The following ZNF800 variants were observed in gnomAD, a reference collection of about 807,000 sequenced individuals.
ZNF800 encodes zinc finger protein 800.
Under a neutral mutation model 59.5 loss-of-function variants are expected in ZNF800, and 13 were observed. That is an observed-to-expected ratio of 0.22 (90% CI 0.14 to 0.35). The LOEUF (loss-of-function observed/expected upper bound fraction) is 0.35. Ranked by LOEUF, ZNF800 falls within the 10% of genes least tolerant of loss-of-function variation. ZNF800 has a pLI of 1.00. For synonymous variants in ZNF800, 266 were observed against 265.7 expected (o/e 1.00, Z -0.01); for missense variants, 621 against 783.7 (o/e 0.79, Z 2.48).
downstream of ZNF800, among the ~76,000 whole-genome samples, chr7:127,365,194 C>T (rs995315387): frequency 6.6e-6 from 1 of 152,090 alleles, no homozygotes; most frequent in African/African-American, 2.4e-5. Context: ...TACCATGAGT[C>T]TGAACCTGTC....
At chr7:127,391,965 G>A (rs942498823) in intron 1 of ZNF800, 95 bp downstream of exon 1, 1 of 379,736 alleles carries the variant, frequency 2.6e-6, no homozygotes, top group Non-Finnish European at 4.7e-6. Context: ...CGCTCCCGCC[G>A]GCTGCTGGCC....
chr7:127,345,748 G>A (rs928260478), downstream of ZNF800, among the ~76,000 whole-genome samples: 1 of 152,204 alleles, frequency 6.6e-6, no homozygotes, highest in African/African-American at 2.4e-5. Flanking sequence ...TTCAATTTGT[G>A]AGAAAGGTTG....
chr7:127,380,615 T>C (rs187601108), intron 3 of ZNF800, among the ~76,000 whole-genome samples: 6 of 152,318 alleles, frequency 3.9e-5, no homozygotes, highest in African/African-American at 1.2e-4. Context: ...TCACTTACAA[T>C]TGGACACAGC....
rs752485384 is a variant in ZNF800 at position 127,374,738 on chromosome 7, T to C, written c.598A>G (p.Thr200Ala). 13 of 1,613,932 alleles carry C rather than the reference T, an allele frequency of 8.1e-6. No homozygotes were observed. The highest frequency in any genetic ancestry group is 2.7e-5 in the African/African-American group (2 of 74,914). The change falls in exon 5 of 6, where the codon ACA becomes GCA. Residue 200 changes from threonine (T) to alanine (A), a missense_variant. Around this residue, in one of 7 missense-constraint regions of ZNF800, gnomAD observed 218 missense variants for 230.8 expected, o/e 0.94. Transcript: ENST00000265827. ...TCAGATGTAGGTGCAACTTCATCTG[T>C]AACAATCTCAACAGGAGGGGGCTCT... ...TVEPPPVEIV[T>A]DEVAPTSDEQ...
chr7:127,388,018 ACT>A (rs1233858293), intron 2 of ZNF800, among the ~76,000 whole-genome samples: 1 of 151,426 alleles, frequency 6.6e-6, no homozygotes, highest in African/African-American at 2.4e-5. Flanking sequence ...CCAGACCTGG[ACT>A]CTCTGTGTTT....
chr7:127,391,863 G>T (rs28729203), intron 1 of ZNF800, among the ~76,000 whole-genome samples, 197 bp downstream of exon 1: 89,511 of 151,548 alleles, frequency 0.59, 27,082 homozygotes, highest in East Asian at 0.86. Context: ...CCGGCAGCGC[G>T]GGCGGCTGCG....
chr7:127,385,274 G>T (rs1276184379), intron 3 of ZNF800, among the ~76,000 whole-genome samples: 2 of 152,084 alleles, frequency 1.3e-5, no homozygotes, highest in Non-Finnish European at 2.9e-5. Flanking sequence ...ATATTTATTT[G>T]CTTGTTCACA....
chr7:127,375,018 A>G lies in ZNF800; in HGVS notation c.318T>C (p.Asn106=). 6.3e-7 allele frequency: 1 copy of G among 1,584,650 alleles called. No individual in the cohort carries two copies. The highest frequency in any genetic ancestry group is 8.6e-7 in the Non-Finnish European group (1 of 1,167,556). Residue 106 remains asparagine, a synonymous_variant, in exon 5 of 6, where the codon AAT becomes AAC. Transcript: ENST00000265827. Reference sequence around the variant, plus strand: ...CATTTATGGCTTGGCTTTGTTTATCATTTACATCAGGAAGGTCTGTTAAGG... The same window carrying G: ...CATTTATGGCTTGGCTTTGTTTATCGTTTACATCAGGAAGGTCTGTTAAGG... ...LQMDDNLPDV[N]DKQSQAINDL...
chr7:127,358,295 C>G (rs1800314119), intron 1 of ZNF800, among the ~76,000 whole-genome samples: 1 of 151,934 alleles, frequency 6.6e-6, no homozygotes, highest in African/African-American at 2.4e-5. Flanking sequence ...TTCGTCTCCA[C>G]TGCCTGGAAA....
intron 1 of ZNF800, among the ~76,000 whole-genome samples, chr7:127,356,600 T>A (rs529740744): frequency 6.6e-6 from 1 of 152,042 alleles, no homozygotes; most frequent in Non-Finnish European, 1.5e-5. Context: ...AAAAAGAGAC[T>A]GGAAACAGGT....
At chr7:127,361,529 T>C (rs1208699432) in intron 1 of ZNF800, 1 of 151,984 alleles carries the variant, frequency 6.6e-6, no homozygotes, top group African/African-American at 2.4e-5. Context: ...TGCAGTCAAC[T>C]AGGATTATAC....
intron 1 of ZNF800, chr7:127,363,740 T>C (rs1393786730): frequency 6.6e-6 from 1 of 151,994 alleles, no homozygotes; most frequent in African/African-American, 2.4e-5. Context: ...ACTTCTAAAA[T>C]ACTGAGTAAG....
intron 1 of ZNF800, among the ~76,000 whole-genome samples, chr7:127,359,024 A>G (rs1587425693): frequency 6.6e-6 from 1 of 152,274 alleles, no homozygotes; most frequent in East Asian, 1.9e-4. Flanking sequence ...AAGTGTGCTA[A>G]GTTGAAATCT....
At chr7:127,380,621 A>G (rs766912498) in intron 3 of ZNF800, among the ~76,000 whole-genome samples, 1 of 152,226 alleles carries the variant, frequency 6.6e-6, no homozygotes, top group Non-Finnish European at 1.5e-5. Context: ...ACAATTGGAC[A>G]CAGCCAACTC....
At chr7:127,364,193 G>A (rs1481613997) in intron 1 of ZNF800, 1 of 152,072 alleles carries the variant, frequency 6.6e-6, no homozygotes, top group Non-Finnish European at 1.5e-5. Flanking sequence ...GGTTGCAGAG[G>A]TCAAGCATGA....
At chr7:127,376,668 T>C (rs1800795133) in intron 4 of ZNF800, among the ~76,000 whole-genome samples, 1 of 151,922 alleles carries the variant, frequency 6.6e-6, no homozygotes, top group South Asian at 2.1e-4. Flanking sequence ...AATCAAGACC[T>C]AGAAAATACT....
chr7:127,372,453 C>T, intron 5 of ZNF800: 2 of 330,840 alleles, frequency 6.0e-6, no homozygotes, highest in Non-Finnish European at 8.5e-6. Flanking sequence ...GCACTCCAGC[C>T]TGGGCAACAA....
Position 127,386,173 on chromosome 7 carries a change from A to G in ZNF800, c.62-18T>C. ...GATATAAACTACATGGAAGACAAAC[A>G]CCCACCCCAATCCCCACAAAAAAAG... On this transcript the variant is annotated intron_variant, in intron 2 of 5. Transcript: ENST00000265827. 1 of 1,494,158 alleles carries G rather than the reference A, an allele frequency of 6.7e-7. No homozygotes were observed. Among genetic ancestry groups the G allele is most frequent in the Non-Finnish European group, 9.3e-7 (1 of 1,075,160 alleles). 92.6% of individuals were successfully genotyped at this position (1,494,158 alleles called of 1,614,324 possible).
chr7:127,388,309 TA>T (rs1191920663), intron 2 of ZNF800, among the ~76,000 whole-genome samples: 2 of 152,210 alleles, frequency 1.3e-5, no homozygotes, highest in East Asian at 3.8e-4. Flanking sequence ...GAAAGAGAAT[TA>T]AACCTCTTAC....
Sources: gnomAD v4.1 joint callset for allele counts (sites outside exome capture counted in the v4.1 genomes callset) on GRCh38, gnomAD v4.1.1 for gene constraint, gnomAD v4.1.1 regional missense constraint, MANE v1.5 for transcripts, NCBI Gene and HGNC (gene_info 2026-07-23, HGNC 2026-07-21) for gene names.